The following SORCS3 variants were observed in gnomAD, a reference collection of about 807,000 sequenced individuals.
SORCS3 encodes the protein VPS10 domain-containing receptor SorCS3.
A neutral mutation model predicts 146.3 loss-of-function variants in SORCS3; 57 were observed. The ratio of observed to expected loss-of-function variants is 0.39; its 90% CI spans 0.31 to 0.49. The LOEUF is 0.49. SORCS3 is among the 20% of genes least tolerant of loss of function. The pLI is 0.92. For synonymous variants in SORCS3, 653 were observed against 618.5 expected, an observed-to-expected ratio of 1.06 and a Z score of -0.83; for missense variants, 1,341 against 1,575.5, an observed-to-expected ratio of 0.85 and a Z score of 2.52.
intron 2 of SORCS3, among the ~76,000 whole-genome samples, chr10:104,901,502 A>C (rs545161597): frequency 6.6e-6 from 1 of 152,310 alleles, no homozygotes; most frequent in East Asian, 1.9e-4. Flanking sequence ...GGGAGTGTGC[A>C]CTGGAGACTT....
intron 4 of SORCS3, among the ~76,000 whole-genome samples, chr10:105,036,839 A>C (rs914088914): frequency 2.6e-5 from 4 of 152,202 alleles, no homozygotes; most frequent in South Asian, 2.1e-4. Flanking sequence ...AACCAGCCTC[A>C]TTTTATTTGA....
chr10:104,780,899 A>G (rs2017366771), intron 1 of SORCS3, among the ~76,000 whole-genome samples: 1 of 152,234 alleles, frequency 6.6e-6, no homozygotes, highest in African/African-American at 2.4e-5. Flanking sequence ...AATAACACAT[A>G]GGTACTAACT....
intron 4 of SORCS3, among the ~76,000 whole-genome samples, chr10:105,031,070 G>A (rs1293738841): frequency 3.3e-5 from 5 of 151,150 alleles, no homozygotes; most frequent in Non-Finnish European, 2.9e-5. Context: ...CGAGGTGGGC[G>A]GATCACCTGA....
At chr10:104,739,356 C>G (rs1427565555) in intron 1 of SORCS3, among the ~76,000 whole-genome samples, 1 of 152,156 alleles carries the variant, frequency 6.6e-6, no homozygotes, top group Non-Finnish European at 1.5e-5. Context: ...TTTTTTTCTG[C>G]TATTGTCACA....
intron 3 of SORCS3, among the ~76,000 whole-genome samples, chr10:104,943,090 T>C (rs1454051088): frequency 6.6e-6 from 1 of 152,240 alleles, no homozygotes; most frequent in Admixed American, 6.5e-5. Flanking sequence ...TGTCAATGTA[T>C]AAAAGTATTA....
chr10:104,872,878 G>A (rs934347237), intron 2 of SORCS3, among the ~76,000 whole-genome samples: 1 of 152,206 alleles, frequency 6.6e-6, no homozygotes, highest in East Asian at 1.9e-4. Context: ...AAGGAAAATT[G>A]TGTTATGTGC....
intron 1 of SORCS3, chr10:104,666,027 C>T (rs2015771632): frequency 6.6e-6 from 1 of 152,040 alleles, no homozygotes; most frequent in Admixed American, 6.6e-5. Context: ...CCTTTGATTT[C>T]CTTTGACGAA....
intron 5 of SORCS3, among the ~76,000 whole-genome samples, chr10:105,053,073 G>T (rs2055423808): frequency 1.3e-5 from 2 of 152,130 alleles, no homozygotes; most frequent in South Asian, 2.1e-4. Flanking sequence ...GCCACCTTCT[G>T]GATGTATCAT....
At chr10:105,165,844 C>T (rs2056308469) in intron 12 of SORCS3, among the ~76,000 whole-genome samples, 1 of 152,068 alleles carries the variant, frequency 6.6e-6, no homozygotes, top group Non-Finnish European at 1.5e-5. Context: ...TCCACTTTTT[C>T]ACTCCAGTAC....
chr10:105,166,832 A>C (rs1564772999), intron 12 of SORCS3, among the ~76,000 whole-genome samples: 1 of 152,192 alleles, frequency 6.6e-6, no homozygotes. Context: ...TATAAACAAC[A>C]CTATAAAACA....
chr10:104,839,830 C>T (rs1054883029), intron 1 of SORCS3, among the ~76,000 whole-genome samples: 3 of 152,116 alleles, frequency 2.0e-5, no homozygotes, highest in Non-Finnish European at 2.9e-5. Context: ...GGAAAGGAGC[C>T]AGAGCAGATT....
intron 3 of SORCS3, among the ~76,000 whole-genome samples, chr10:104,919,692 G>GA (rs904596981): frequency 4.8e-5 from 7 of 145,896 alleles, no homozygotes; most frequent in South Asian, 2.2e-4. Context: ...TCCGTCTGAA[G>GA]AAAAAAAAAA....
chr10:104,979,042 G>T (rs1440353696), intron 4 of SORCS3, among the ~76,000 whole-genome samples: 2 of 152,140 alleles, frequency 1.3e-5, no homozygotes, highest in Non-Finnish European at 2.9e-5. Context: ...CTCAGATCCA[G>T]CATCACTTCC....
chr10:104,910,269 T>G (rs1202180157), intron 2 of SORCS3, among the ~76,000 whole-genome samples: 1 of 152,162 alleles, frequency 6.6e-6, no homozygotes, highest in East Asian at 1.9e-4. Context: ...AGGTACAGTC[T>G]CCTTGGAGAA....
At chr10:104,749,243 G>A (rs1564674759) in intron 1 of SORCS3, among the ~76,000 whole-genome samples, 1 of 151,550 alleles carries the variant, frequency 6.6e-6, no homozygotes, top group Non-Finnish European at 1.5e-5. Context: ...GTGTGTGTGT[G>A]TGTGTGTGTG....
At chr10:105,149,024 CCT>C (rs2056150927) in intron 9 of SORCS3, among the ~76,000 whole-genome samples, 1 of 152,010 alleles carries the variant, frequency 6.6e-6, no homozygotes, top group Non-Finnish European at 1.5e-5. Flanking sequence ...TTCCTCACTT[CCT>C]CTCTCTCTCC....
At chr10:105,051,354 C>T (rs1265549829) in intron 5 of SORCS3, among the ~76,000 whole-genome samples, 2 of 152,008 alleles carry the variant, frequency 1.3e-5, no homozygotes, top group Non-Finnish European at 2.9e-5. Flanking sequence ...GGGATGGTTA[C>T]CTTGAGATAA....
chr10:105,070,152 G>A (rs1304071971), intron 5 of SORCS3, among the ~76,000 whole-genome samples: 4 of 152,144 alleles, frequency 2.6e-5, no homozygotes, highest in South Asian at 2.1e-4. Context: ...ATTGATTCCC[G>A]AGTTCTGCTC....
At chr10:104,801,249 G>C (rs2017620211) in intron 1 of SORCS3, among the ~76,000 whole-genome samples, 1 of 152,132 alleles carries the variant, frequency 6.6e-6, no homozygotes, top group Non-Finnish European at 1.5e-5. Flanking sequence ...ATGGAAGTTT[G>C]GGCTACTAAG....
Sources: allele counts gnomAD v4.1 joint callset (sites outside exome capture counted in the v4.1 genomes callset), GRCh38; gene constraint gnomAD v4.1.1; transcripts MANE v1.5; gene names NCBI Gene and HGNC (gene_info 2026-07-23, HGNC 2026-07-21).